Variants in HCRTR1 observed in about 807,000 individuals in gnomAD.
The protein encoded by HCRTR1 is hypocretin receptor 1, also known as orexin/Hypocretin receptor type 1.
Under a neutral mutation model 40.6 loss-of-function variants are expected in HCRTR1, and 28 were observed. That is an observed-to-expected ratio of 0.69 (90% CI 0.51 to 0.95). HCRTR1 has a LOEUF of 0.95. Among genes scored for constraint, HCRTR1 ranks in the 40% least tolerant of loss-of-function variants. HCRTR1 has a pLI of 0.00. For missense variants in HCRTR1, 482 were observed against 564.7 expected (o/e 0.85, Z 1.48); for synonymous variants, 209 against 230.0 (o/e 0.91, Z 0.83).
chr1:31,619,030 T>A (rs957962329), intron 2 of HCRTR1, 21 bp from the exon 3 acceptor site: 10 of 606,490 alleles, frequency 1.6e-5, no homozygotes, highest in Non-Finnish European at 2.9e-5. Context: ...TCCCACTCCC[T>A]CCTTTCCTTC....
downstream of HCRTR1, chr1:31,630,684 T>C (rs1175892699): frequency 1.6e-5 from 26 of 1,613,772 alleles, no homozygotes; most frequent in Non-Finnish European, 2.2e-5. Context: ...TGTACAGCTG[T>C]GTCCTTCTCC....
chr1:31,633,618 C>G (rs1397012422), downstream of HCRTR1, among the ~76,000 whole-genome samples: 1 of 152,130 alleles, frequency 6.6e-6, no homozygotes, highest in African/African-American at 2.4e-5. Flanking sequence ...CAAGAATTCT[C>G]TGGAAAAGGT....
chr1:31,622,436 G>A (rs1218139583), intron 6 of HCRTR1, among the ~76,000 whole-genome samples: 1 of 152,018 alleles, frequency 6.6e-6, no homozygotes, highest in East Asian at 1.9e-4. Context: ...CCCAGGTCCT[G>A]CCTTGGAGGA....
chr1:31,621,730 A>G, intron 6 of HCRTR1, 138 bp downstream of exon 6: 1 of 664,788 alleles, frequency 1.5e-6, no homozygotes, highest in Non-Finnish European at 2.6e-6. Context: ...GGGGAAGCCC[A>G]GAGACACGTC....
downstream of HCRTR1, chr1:31,630,327 C>T (rs1423257928): frequency 4.5e-6 from 2 of 448,080 alleles, no homozygotes; most frequent in Non-Finnish European, 8.3e-6. Context: ...TTACAAGGAC[C>T]TGCTCCTGGT....
chr1:31,624,530 T>C (rs1235346344), intron 7 of HCRTR1, among the ~76,000 whole-genome samples: 1 of 148,906 alleles, frequency 6.7e-6, no homozygotes, highest in East Asian at 2.0e-4. Context: ...GAGCTAACCA[T>C]GCACGTGTCT....
At chr1:31,621,143 A>G in intron 5 of HCRTR1, 57 bp downstream of exon 5, 6 of 1,555,796 alleles carry the variant, frequency 3.9e-6, no homozygotes, top group Non-Finnish European at 5.2e-6. Context: ...GGGAGCACGT[A>G]CCCCTAGGAC....
chr1:31,633,082 C>G, downstream of HCRTR1: 1 of 1,492,362 alleles, frequency 6.7e-7, no homozygotes, highest in Non-Finnish European at 9.1e-7. Flanking sequence ...AATGTCCACC[C>G]ACCCACCTAC....
chr1:31,623,134 G>C (rs949306287), intron 6 of HCRTR1, among the ~76,000 whole-genome samples: 5 of 152,116 alleles, frequency 3.3e-5, no homozygotes, highest in African/African-American at 1.2e-4. Context: ...TTCAAGACCA[G>C]CCTGGCCAAC....
At chr1:31,624,572 T>G (rs1210851671) in intron 7 of HCRTR1, among the ~76,000 whole-genome samples, 1 of 151,608 alleles carries the variant, frequency 6.6e-6, no homozygotes, top group African/African-American at 2.4e-5. Context: ...CGCAGGGCGC[T>G]GGGGAGAGAA....
At chr1:31,620,548 G>A (rs2148608705) in intron 4 of HCRTR1, among the ~76,000 whole-genome samples, 1 of 152,330 alleles carries the variant, frequency 6.6e-6, no homozygotes, top group Middle Eastern at 3.4e-3. Context: ...AAGTTACGTA[G>A]GTGCAAGTTA....
downstream of HCRTR1, chr1:31,629,805 G>A (rs949032356): frequency 6.6e-6 from 1 of 152,258 alleles, no homozygotes; most frequent in African/African-American, 2.4e-5. Flanking sequence ...TACTTAAATA[G>A]TCACTGAAAG....
At chr1:31,632,841 A>ACCCCAT (rs968751590), downstream of HCRTR1, among the ~76,000 whole-genome samples, 1 of 151,882 alleles carries the variant, frequency 6.6e-6, no homozygotes, top group Non-Finnish European at 1.5e-5. Flanking sequence ...CTTTAGCCCC[A>ACCCCAT]CCCCATCCAG....
chr1:31,625,269 C>A lies in HCRTR1; in HGVS notation c.1087+151C>A. 2.0e-6 allele frequency: 2 copies of A among 993,048 alleles called. No homozygotes were observed. The highest frequency in any genetic ancestry group is 2.8e-6 in the Non-Finnish European group (2 of 709,424). 61.5% of individuals were successfully genotyped at this position (993,048 alleles called of 1,614,324 possible). ...GATCCTGCTCTGGGAGGACCCACCC[C>A]AAGCGGCCCTGGCCTGAGTGGGAGA... On this transcript the variant is annotated intron_variant, in intron 8 of 8. Coordinates refer to ENST00000403528, the MANE Select transcript of HCRTR1 (RefSeq NM_001525.3). This position sits in a 1 kb window ranked among gnomAD's most constrained non-coding sequence, Gnocchi z 4.2.
chr1:31,631,332 AGGATTAAAAC>A (rs1183935651), downstream of HCRTR1, among the ~76,000 whole-genome samples: 4 of 152,218 alleles, frequency 2.6e-5, no homozygotes, highest in Non-Finnish European at 5.9e-5. Context: ...GGTTCTAGTA[AGGATTAAAAC>A]GGGTGATCAT....
At position 31,623,446 on chromosome 1, in the gene HCRTR1, G is replaced by A. The variant is rs1203119826; in HGVS notation, c.739-77G>A. 4.7e-6 allele frequency: 6 copies of A among 1,279,720 alleles called. No homozygotes were observed. The East Asian group carries it at 1.5e-4, about 32-fold the overall frequency. The allele number at this position is 1,279,720 out of a possible 1,614,324, so 79.3% of individuals were successfully genotyped here. A position where few individuals can be genotyped will look rare whatever the true frequency, so the allele number is the denominator to read the frequency against. Reference sequence around the variant, plus strand: ...CTCCACCCTGCCCGGGGTCCAGCCTGGAGTAGGCCCCACAAAAGGCAACCA... The same window carrying A: ...CTCCACCCTGCCCGGGGTCCAGCCTAGAGTAGGCCCCACAAAAGGCAACCA... On this transcript the variant is annotated intron_variant, in intron 6 of 8. Coordinates refer to ENST00000403528, the MANE Select transcript of HCRTR1 (RefSeq NM_001525.3).
At chr1:31,623,400 G>A in intron 6 of HCRTR1, 123 bp from the exon 7 acceptor site, 1 of 670,008 alleles carries the variant, frequency 1.5e-6, no homozygotes. Flanking sequence ...CCTCTTGCAA[G>A]GGTTTTATCC....
chr1:31,630,548 A>T, downstream of HCRTR1: 1 of 1,441,782 alleles, frequency 6.9e-7, no homozygotes, highest in African/African-American at 1.4e-5. Context: ...ATGTCCACAT[A>T]CTTCTCTCAC....
At chr1:31,623,791 G>A (rs1445861551) in intron 7 of HCRTR1, 42 bp downstream of exon 7, 1 of 1,485,734 alleles carries the variant, frequency 6.7e-7, no homozygotes, top group Admixed American at 1.8e-5. Context: ...GAAGTTTGAG[G>A]TTGGGGAAGG....
Sources: gnomAD v4.1 joint callset for allele counts (sites outside exome capture counted in the v4.1 genomes callset) on GRCh38, gnomAD v4.1.1 for gene constraint, Gnocchi (gnomAD v3.1) non-coding constraint, MANE v1.5 for transcripts, NCBI Gene and HGNC (gene_info 2026-07-23, HGNC 2026-07-21) for gene names.